Variants in ADA observed in about 807,000 individuals in gnomAD.
The protein encoded by ADA is adenosine deaminase.
A neutral mutation model predicts 49.0 loss-of-function variants in ADA; 45 were observed. That is an observed-to-expected ratio of 0.92 (90% confidence interval 0.72 to 1.18). ADA has a LOEUF of 1.18. Ranked by LOEUF, ADA falls within the 50% of genes most tolerant of loss-of-function variation. The pLI, the probability that ADA is intolerant of heterozygous loss-of-function variation, is 0.00. For synonymous variants in ADA, 173 were observed against 184.2 expected (o/e 0.94, Z 0.49); for missense variants, 445 against 472.5 (o/e 0.94, Z 0.54).
At chr20:44,621,956 G>A (rs955440533) in intron 9 of ADA, among the ~76,000 whole-genome samples, 6 of 152,170 alleles carry the variant, frequency 3.9e-5, no homozygotes, top group South Asian at 4.1e-4. Flanking sequence ...CATCAGAGCC[G>A]AAGCCCCTCC....
chr20:44,627,284 T>C (rs1307536258), intron 3 of ADA, among the ~76,000 whole-genome samples: 1 of 151,804 alleles, frequency 6.6e-6, no homozygotes, highest in East Asian at 1.9e-4. Flanking sequence ...TGGGTTCAAG[T>C]GATTCGTCTG....
intron 2 of ADA, among the ~76,000 whole-genome samples, chr20:44,634,260 G>C (rs1465879451): frequency 6.6e-6 from 1 of 152,238 alleles, no homozygotes; most frequent in African/African-American, 2.4e-5. Context: ...CATGGGCAAA[G>C]GCCAGGCAGA....
At chr20:44,622,689 C>T (rs934826988) in intron 8 of ADA, 37 bp from the exon 9 acceptor site, 9 of 1,613,882 alleles carry the variant, frequency 5.6e-6, no homozygotes, top group Non-Finnish European at 7.6e-6. Flanking sequence ...GGGATGGCCC[C>T]AGGCCATGCT....
In ADA at chr20:44,620,379, CTA is replaced by C. The variant is rs2123508053; in HGVS notation, c.996_997del (p.Ser333PhefsTer6). On this transcript the variant is annotated frameshift_variant, in exon 11 of 12. Coordinates refer to ENST00000372874, the MANE Select transcript of ADA (RefSeq NM_000022.4). LOFTEE classifies it high-confidence loss of function. ...CCTCTTTTCATCTTCTGGGAGGAAA[CTA>C]GATTTGGCCGCATTGATGTTCTGGA... The C allele has an allele frequency of 2.5e-6, 4 of 1,614,228 alleles. No homozygotes were observed. The highest frequency in any genetic ancestry group is 3.4e-6 in the Non-Finnish European group (4 of 1,180,046).
chr20:44,635,369 G>A (rs1232955519), intron 2 of ADA, among the ~76,000 whole-genome samples: 1 of 152,194 alleles, frequency 6.6e-6, no homozygotes, highest in Non-Finnish European at 1.5e-5. Context: ...AGCCTTAGGG[G>A]TCAGACAGCC....
chr20:44,647,841 C>T (rs890051065), intron 1 of ADA, among the ~76,000 whole-genome samples: 7 of 151,874 alleles, frequency 4.6e-5, no homozygotes, highest in Admixed American at 6.6e-5. Context: ...GGCTTGAACT[C>T]GGGAGGTGGA....
intron 1 of ADA, among the ~76,000 whole-genome samples, chr20:44,644,554 G>A (rs1275994124): frequency 6.6e-6 from 1 of 152,194 alleles, no homozygotes; most frequent in Admixed American, 6.5e-5. Context: ...AGCCACAGGT[G>A]CCCACTGCCA....
At chr20:44,620,142 A>T (rs1251268025) in intron 11 of ADA, among the ~76,000 whole-genome samples, 157 bp downstream of exon 11, 1 of 152,212 alleles carries the variant, frequency 6.6e-6, no homozygotes, top group Non-Finnish European at 1.5e-5. Context: ...AACCGATCTA[A>T]TGAGACGCTG....
intron 1 of ADA, 79 bp downstream of exon 1, chr20:44,651,496 C>A (rs2065645338): frequency 4.2e-6 from 6 of 1,412,066 alleles, no homozygotes; most frequent in Non-Finnish European, 4.8e-6. Context: ...GGTTTGGACG[C>A]CCCGGGCTGG....
chr20:44,626,738 G>C, intron 3 of ADA, 139 bp from the exon 4 acceptor site: 1 of 1,057,278 alleles, frequency 9.5e-7, no homozygotes, highest in Non-Finnish European at 1.4e-6. Context: ...CACTGGATAA[G>C]ATCCCAGACA....
chr20:44,645,898 C>T lies in ADA; in HGVS notation c.33+5677G>A, dbSNP rs2065586777. ...TTCCTTGCTGTTCTAGCTCCCTGGT[C>T]ACTAGGAGTGCAGAGGTTATCCCCC... On this transcript the variant is annotated intron_variant, in intron 1 of 11. Transcript: ENST00000372874. Among the ~76,000 whole-genome samples the T allele has an allele frequency of 2.6e-5, 4 of 152,280 alleles. No individual in the cohort carries two copies. In the South Asian group the frequency reaches 8.3e-4, roughly 32 times the overall value.
At chr20:44,635,946 A>G (rs2065475838) in intron 2 of ADA, 1 of 487,326 alleles carries the variant, frequency 2.1e-6, no homozygotes, top group Non-Finnish European at 3.7e-6. Context: ...ACCTTCATGC[A>G]CGTATGTGGG....
intron 10 of ADA, 168 bp downstream of exon 10, chr20:44,620,850 C>T (rs756633211): frequency 1.1e-5 from 10 of 916,956 alleles, no homozygotes; most frequent in East Asian, 5.1e-5. Flanking sequence ...TAGGTCAGGA[C>T]GTCAACACAA....
intron 2 of ADA, among the ~76,000 whole-genome samples, chr20:44,629,436 G>GTA: frequency 6.6e-6 from 1 of 152,148 alleles, no homozygotes; most frequent in African/African-American, 2.4e-5. Flanking sequence ...GTGTGTGTGT[G>GTA]TGTATGTGTG....
intron 6 of ADA, 26 bp downstream of exon 6, chr20:44,624,176 T>C: frequency 6.3e-7 from 1 of 1,596,126 alleles, no homozygotes; most frequent in Middle Eastern, 1.7e-4. Flanking sequence ...AGGGCCAGCC[T>C]CTCCATTCCT....
chr20:44,645,733 A>C (rs374506800), intron 1 of ADA, among the ~76,000 whole-genome samples: 37 of 152,302 alleles, frequency 2.4e-4, no homozygotes, highest in African/African-American at 8.9e-4. Context: ...AGAGGTGGGT[A>C]TGGGTATAAT....
intron 5 of ADA, among the ~76,000 whole-genome samples, chr20:44,624,720 C>T (rs567634380): frequency 2.6e-4 from 40 of 152,326 alleles, no homozygotes; most frequent in South Asian, 8.3e-4. Context: ...CCGTTTAACA[C>T]GTCATCTAAA....
At chr20:44,643,793 C>T (rs1209835328) in intron 1 of ADA, among the ~76,000 whole-genome samples, 1 of 152,236 alleles carries the variant, frequency 6.6e-6, no homozygotes, top group African/African-American at 2.4e-5. Flanking sequence ...GCAGGAAATC[C>T]TCCCAGCGCT....
At chr20:44,622,767 C>T in intron 8 of ADA, 62 bp downstream of exon 8, 3 of 1,614,048 alleles carry the variant, frequency 1.9e-6, no homozygotes, top group Non-Finnish European at 2.5e-6. Flanking sequence ...TGCTTTCTGC[C>T]TCTCTATACA....
Sources: gnomAD v4.1 joint callset for allele counts (sites outside exome capture counted in the v4.1 genomes callset) on GRCh38, gnomAD v4.1.1 for gene constraint, MANE v1.5 for transcripts, NCBI Gene and HGNC (gene_info 2026-07-23, HGNC 2026-07-21) for gene names.